Variants in CSMD1 observed in about 807,000 individuals in gnomAD.
CSMD1 encodes CUB and sushi domain-containing protein 1.
CSMD1 carries 213 observed loss-of-function variants against 417.5 expected under a neutral mutation model. The observed-to-expected ratio is 0.51, with a 90% confidence interval of 0.46 to 0.57. The LOEUF is 0.57. CSMD1 is among the 20% of genes least tolerant of loss of function. The pLI is 0.00. For missense variants in CSMD1, 6,923 were observed against 4,529.7 expected (o/e 1.53, Z -15.17); for synonymous variants, 2,862 against 1,736.8 (o/e 1.65, Z -16.11).
chr8:3,941,952 T>C (rs542295212), intron 5 of CSMD1, among the ~76,000 whole-genome samples: 2 of 152,228 alleles, frequency 1.3e-5, no homozygotes, highest in South Asian at 2.1e-4. Flanking sequence ...TCCTCCTCTG[T>C]ATTTACAGCC....
At chr8:4,548,674 T>C (rs1797735567) in intron 2 of CSMD1, among the ~76,000 whole-genome samples, 1 of 152,200 alleles carries the variant, frequency 6.6e-6, no homozygotes, top group African/African-American at 2.4e-5. Flanking sequence ...TGTTTGATTT[T>C]CCATCTACCT....
chr8:3,791,205 C>A (rs930437982), intron 5 of CSMD1, among the ~76,000 whole-genome samples: 2 of 152,152 alleles, frequency 1.3e-5, no homozygotes, highest in African/African-American at 2.4e-5. Context: ...ACCCCTACCC[C>A]AAACATAAAC....
At chr8:4,761,912 A>AATCTATCAATCT (rs1812127740) in intron 1 of CSMD1, among the ~76,000 whole-genome samples, 1 of 101,268 alleles carries the variant, frequency 9.9e-6, no homozygotes, top group Non-Finnish European at 2.0e-5. Context: ...TCTATCTATC[A>AATCTATCAATCT]ATCTATCTAT....
intron 7 of CSMD1, among the ~76,000 whole-genome samples, chr8:3,707,970 C>T (rs941108356): frequency 4.6e-5 from 7 of 152,264 alleles, no homozygotes; most frequent in East Asian, 3.9e-4. Flanking sequence ...TTTGGAAGGA[C>T]GTAGACATTG....
At chr8:3,253,187 C>T (rs1461786503) in intron 26 of CSMD1, among the ~76,000 whole-genome samples, 1 of 152,054 alleles carries the variant, frequency 6.6e-6, no homozygotes, top group Non-Finnish European at 1.5e-5. Context: ...TTTCCCTCTA[C>T]ACACTGCTTT....
At chr8:4,178,124 C>T (rs1408156147) in intron 3 of CSMD1, among the ~76,000 whole-genome samples, 2 of 152,148 alleles carry the variant, frequency 1.3e-5, no homozygotes, top group South Asian at 2.1e-4. Context: ...AGAGACACAA[C>T]CAAAAAAGAG....
intron 1 of CSMD1, among the ~76,000 whole-genome samples, chr8:4,993,170 ATAT>A (rs1811565522): frequency 6.6e-6 from 1 of 152,320 alleles, no homozygotes; most frequent in East Asian, 1.9e-4. Context: ...GGACGGGGAA[ATAT>A]TATGTAGGGA....
At chr8:3,841,570 C>G (rs571368791) in intron 5 of CSMD1, among the ~76,000 whole-genome samples, 56 of 152,086 alleles carry the variant, frequency 3.7e-4, no homozygotes, top group African/African-American at 1.3e-3. Flanking sequence ...AATTGTTTAT[C>G]ACAAAATCAC....
chr8:4,709,351 T>G (rs550099612), intron 1 of CSMD1, among the ~76,000 whole-genome samples: 1 of 152,106 alleles, frequency 6.6e-6, no homozygotes, highest in South Asian at 2.1e-4. Flanking sequence ...TTGGGGGAGT[T>G]TAGGCTGTAT....
At chr8:3,652,196 A>T (rs982134913) in intron 7 of CSMD1, among the ~76,000 whole-genome samples, 5 of 148,920 alleles carry the variant, frequency 3.4e-5, no homozygotes, top group Admixed American at 1.3e-4. Flanking sequence ...TACCACCTTC[A>T]GCGGGCCTAC....
At chr8:4,388,735 G>C (rs925148757) in intron 3 of CSMD1, among the ~76,000 whole-genome samples, 2 of 152,064 alleles carry the variant, frequency 1.3e-5, no homozygotes, top group African/African-American at 4.8e-5. Context: ...TTTATACTTG[G>C]CAGAAAAAAG....
At chr8:3,018,351 G>A in intron 52 of CSMD1, 126 bp downstream of exon 52, 1 of 781,386 alleles carries the variant, frequency 1.3e-6, no homozygotes, top group South Asian at 2.3e-5. Flanking sequence ...ACACTGGGAG[G>A]TGCAGCATTT....
chr8:4,222,367 GAAT>G (rs1563297147), intron 3 of CSMD1, among the ~76,000 whole-genome samples: 1 of 458 alleles, frequency 2.2e-3, no homozygotes, highest in Non-Finnish European at 6.9e-3. Context: ...TCTGTAAACA[GAAT>G]AAGAAGCTTC....
At chr8:4,006,060 G>T (rs922938297) in intron 4 of CSMD1, among the ~76,000 whole-genome samples, 1 of 152,206 alleles carries the variant, frequency 6.6e-6, no homozygotes, top group Non-Finnish European at 1.5e-5. Context: ...TTCAAGGAAT[G>T]AGCTGGAGGA....
chr8:4,106,364 G>T (rs1023226089), intron 3 of CSMD1, among the ~76,000 whole-genome samples: 1 of 152,154 alleles, frequency 6.6e-6, no homozygotes, highest in Non-Finnish European at 1.5e-5. Context: ...TCAAAATAAA[G>T]CATTCAATTA....
chr8:4,580,632 C>A (rs535888191), intron 2 of CSMD1, among the ~76,000 whole-genome samples: 4 of 152,086 alleles, frequency 2.6e-5, no homozygotes, highest in African/African-American at 9.7e-5. Flanking sequence ...TTCTTCGTGG[C>A]ATCACATAAG....
intron 1 of CSMD1, among the ~76,000 whole-genome samples, chr8:4,700,918 A>G (rs1411053830): frequency 6.6e-6 from 1 of 152,178 alleles, no homozygotes; most frequent in East Asian, 1.9e-4. Flanking sequence ...ATTTCAGAGG[A>G]GCAGAGAACA....
At chr8:3,768,888 C>A (rs891713329) in intron 5 of CSMD1, among the ~76,000 whole-genome samples, 2 of 152,200 alleles carry the variant, frequency 1.3e-5, no homozygotes, top group Non-Finnish European at 2.9e-5. Context: ...TAGAGCACCA[C>A]TTCTTTGAAG....
chr8:4,344,380 C>T (rs1348212257), intron 3 of CSMD1, among the ~76,000 whole-genome samples: 1 of 152,058 alleles, frequency 6.6e-6, no homozygotes, highest in Non-Finnish European at 1.5e-5. Context: ...CCCATACGCT[C>T]AAGCTCAGAG....
Sources: gnomAD v4.1 joint callset for allele counts (sites outside exome capture counted in the v4.1 genomes callset) on GRCh38, gnomAD v4.1.1 for gene constraint, MANE v1.5 for transcripts, NCBI Gene and HGNC (gene_info 2026-07-23, HGNC 2026-07-21) for gene names.